PCDHGB2: variants seen among roughly 807,000 people sequenced by gnomAD.
The protein encoded by PCDHGB2 is protocadherin gamma-B2.
Under a neutral mutation model 59.3 loss-of-function variants are expected in PCDHGB2, and 55 were observed. The ratio of observed to expected loss-of-function variants is 0.93; its 90% CI spans 0.75 to 1.16. The LOEUF (loss-of-function observed/expected upper bound fraction) is 1.16, where lower values mean the gene tolerates loss of function less well. Among genes scored for constraint, PCDHGB2 ranks in the 50% most tolerant of loss-of-function variants. The pLI is 0.00. For synonymous variants in PCDHGB2, 516 were observed against 512.0 expected, an observed-to-expected ratio of 1.01 and a Z score of -0.11; for missense variants, 1,228 against 1,198.5, an observed-to-expected ratio of 1.02 and a Z score of -0.36.
chr5:141,413,962 AC>A, intron 1 of PCDHGB2: 1 of 1,613,404 alleles, frequency 6.2e-7, no homozygotes, highest in Non-Finnish European at 8.5e-7. Context: ...GCCTGTGGGC[AC>A]TCAGCTGCTG....
intron 1 of PCDHGB2, chr5:141,419,360 C>T (rs763624320): frequency 6.2e-7 from 1 of 1,613,818 alleles, no homozygotes; most frequent in South Asian, 1.1e-5. Flanking sequence ...GTCACGAACG[C>T]TGTCGTCCTA....
chr5:141,415,270 G>A (rs1044469814), intron 1 of PCDHGB2: 1 of 1,614,118 alleles, frequency 6.2e-7, no homozygotes, highest in Non-Finnish European at 8.5e-7. Flanking sequence ...GTACCTGGTG[G>A]TAGCGGTGGC....
rs1290674122 is a variant in PCDHGB2 at position 141,489,521 on chromosome 5, G to A, written c.2422-5286G>A. 3 of 1,613,988 alleles carry A rather than the reference G, an allele frequency of 1.9e-6. No individual in the cohort carries two copies. The highest frequency in any genetic ancestry group is 2.2e-5 in the East Asian group (1 of 44,886). On this transcript the variant is annotated intron_variant, in intron 1 of 3. Coordinates refer to ENST00000522605, the MANE Select transcript of PCDHGB2 (RefSeq NM_018923.3). This position sits in a 1 kb window ranked among gnomAD's most constrained non-coding sequence, Gnocchi z 4.5. ...GTGAATCAAAAGATTGACCGAGAAAGCCTATGTGGAGCCAGCACCAGCTGC... is the reference window on the plus strand; with the variant it reads ...GTGAATCAAAAGATTGACCGAGAAAACCTATGTGGAGCCAGCACCAGCTGC...
chr5:141,421,388 G>A (rs369403750), intron 1 of PCDHGB2: 1 of 1,613,934 alleles, frequency 6.2e-7, no homozygotes, highest in Non-Finnish European at 8.5e-7. Context: ...AAGGACCTGG[G>A]GCTGGAGCCC....
Position 141,490,958 on chromosome 5 carries a change from A to T in PCDHGB2, c.2422-3849A>T, listed in dbSNP as rs771797392. 4.6e-5 allele frequency: 74 copies of T among 1,613,610 alleles called. No individual in the cohort carries two copies. The highest frequency in any genetic ancestry group is 1.6e-4 in the Middle Eastern group (1 of 6,084). ...CTGCACCCACGGCCAGACTGGGAAC[A>T]CTCAGCCCCCCAGCGTCTCCCTCGC... On this transcript the variant is annotated intron_variant, in intron 1 of 3. Coordinates refer to ENST00000522605, the MANE Select transcript of PCDHGB2 (RefSeq NM_018923.3). This position sits in a 1 kb window ranked among gnomAD's most constrained non-coding sequence, Gnocchi z 5.4.
chr5:141,431,673 G>A lies in PCDHGB2; in HGVS notation c.2422-63134G>A. On this transcript the variant is annotated intron_variant, in intron 1 of 3. Coordinates refer to ENST00000522605, the MANE Select transcript of PCDHGB2 (RefSeq NM_018923.3). The surrounding 1 kb of genome is among the most constrained non-coding windows in gnomAD (Gnocchi z 4.8). ...AATTCAGGGACAATATCAACAATAG[G>A]GGAGTTGGACCACGAGGAGTCAGGA... 1 of 1,614,214 alleles carries A rather than the reference G, an allele frequency of 6.2e-7. No homozygotes were observed. The highest frequency in any genetic ancestry group is 8.5e-7 in the Non-Finnish European group (1 of 1,180,044).
intron 1 of PCDHGB2, chr5:141,419,774 C>T (rs2096431329): frequency 6.2e-7 from 1 of 1,613,902 alleles, no homozygotes; most frequent in Admixed American, 1.7e-5. Flanking sequence ...GGACTCGGTC[C>T]GCCAGCGCCT....
chr5:141,390,130 C>T lies in PCDHGB2; in HGVS notation c.2421+27574C>T. On this transcript the variant is annotated intron_variant, in intron 1 of 3. Coordinates refer to ENST00000522605, the MANE Select transcript of PCDHGB2 (RefSeq NM_018923.3). Reference sequence around the variant, plus strand: ...TACAGCGAGGGGACTTTGCCTTATTCCTACAATCTATGTGTTGCACATACA... The same window carrying T: ...TACAGCGAGGGGACTTTGCCTTATTTCTACAATCTATGTGTTGCACATACA... 6.2e-7 allele frequency: 1 copy of T among 1,614,034 alleles called. No individual in the cohort carries two copies. Among genetic ancestry groups the T allele is most frequent in the Non-Finnish European group, 8.5e-7 (1 of 1,179,898 alleles).
chr5:141,510,984 C>G lies in PCDHGB2; in HGVS notation c.2607C>G (p.Ala869=). ...ADGSSTLGGG[A]GTMGLSARYG... ...GGAGCTCCACCCTGGGAGGGGGTGC[C>G]GGCACCATGGGATTGAGCGCCCGCT... The change falls in exon 4 of 4, where the codon GCC becomes GCG. Residue 869 remains alanine (A), a synonymous_variant. Transcript: ENST00000522605. The G allele has an allele frequency of 1.2e-6, 2 of 1,614,162 alleles. No homozygotes were observed. The highest frequency in any genetic ancestry group is 1.7e-6 in the Non-Finnish European group (2 of 1,180,012).
intron 1 of PCDHGB2, among the ~76,000 whole-genome samples, chr5:141,445,357 G>C (rs115045385): frequency 0.013 from 1,909 of 152,252 alleles, 31 homozygotes; most frequent in African/African-American, 0.044. Flanking sequence ...GTCTGCCCAA[G>C]TCTGGTCCTG....
At chr5:141,384,642 C>T (rs373564078) in intron 1 of PCDHGB2, 5 of 1,614,214 alleles carry the variant, frequency 3.1e-6, no homozygotes, top group South Asian at 2.2e-5. Flanking sequence ...CACCCCGCTC[C>T]GCAGAGCCCG....
chr5:141,446,279 G>A (rs1326701686), intron 1 of PCDHGB2, among the ~76,000 whole-genome samples: 1 of 152,096 alleles, frequency 6.6e-6, no homozygotes, highest in African/African-American at 2.4e-5. Context: ...AAATACAATG[G>A]ATAAATGGGG....
intron 2 of PCDHGB2, among the ~76,000 whole-genome samples, chr5:141,503,681 A>C (rs1313633991): frequency 6.6e-6 from 1 of 152,102 alleles, no homozygotes; most frequent in Non-Finnish European, 1.5e-5. Context: ...ACTTTTGGGA[A>C]GGAGAATTGA....
At chr5:141,400,191 A>G (rs781032596) in intron 1 of PCDHGB2, 2 of 1,613,970 alleles carry the variant, frequency 1.2e-6, no homozygotes, top group Non-Finnish European at 1.7e-6. Context: ...AGTTTTACCT[A>G]GTGGTGGCCT....
chr5:141,426,492 T>C (rs1439487321), intron 1 of PCDHGB2: 2 of 336,712 alleles, frequency 5.9e-6, no homozygotes, highest in African/African-American at 4.3e-5. Context: ...TTAGAGTTAG[T>C]GCAGAGAAAC....
chr5:141,420,415 T>A, intron 1 of PCDHGB2: 1 of 1,217,296 alleles, frequency 8.2e-7, no homozygotes, highest in Non-Finnish European at 1.1e-6. Context: ...TTATCATTAT[T>A]AAAACAAAAG....
chr5:141,415,020 C>T, intron 1 of PCDHGB2: 2 of 1,613,560 alleles, frequency 1.2e-6, no homozygotes, highest in Non-Finnish European at 1.7e-6. Context: ...TGCTCAAGGC[C>T]AGCGAGCCGG....
chr5:141,430,583 C>A, intron 1 of PCDHGB2: 1 of 490,378 alleles, frequency 2.0e-6, no homozygotes, highest in Non-Finnish European at 3.4e-6. Flanking sequence ...AGATCCTGCT[C>A]GCCTTGCACG....
rs1187072972 is a variant in PCDHGB2 at position 141,487,553 on chromosome 5, C to T, written c.2422-7254C>T. 4 of 1,614,050 alleles carry T rather than the reference C, an allele frequency of 2.5e-6. No individual in the cohort carries two copies. The African/African-American group carries it at 4.0e-5, about 16-fold the overall frequency. On this transcript the variant is annotated intron_variant, in intron 1 of 3. Coordinates refer to ENST00000522605, the MANE Select transcript of PCDHGB2 (RefSeq NM_018923.3). The surrounding 1 kb of genome is among the most constrained non-coding windows in gnomAD (Gnocchi z 5.0). ...CATGATGGTGAAGTCACCCAGTGCA[C>T]CTATGGCAGGGGAGCCTGTTCGCCC...
Sources: allele counts gnomAD v4.1 joint callset (sites outside exome capture counted in the v4.1 genomes callset), GRCh38; gene constraint gnomAD v4.1.1; non-coding constraint Gnocchi (gnomAD v3.1); transcripts MANE v1.5; gene names NCBI Gene and HGNC (gene_info 2026-07-23, HGNC 2026-07-21).